LARGE1: variants seen among roughly 807,000 people sequenced by gnomAD.
LARGE1 encodes the protein xylosyl- and glucuronyltransferase LARGE1.
A neutral mutation model predicts 87.6 loss-of-function variants in LARGE1; 43 were observed. The ratio of observed to expected loss-of-function variants is 0.49; its 90% CI spans 0.38 to 0.63. LARGE1 has a LOEUF of 0.63. Among genes scored for constraint, LARGE1 ranks in the 30% least tolerant of loss-of-function variants. The probability of loss-of-function intolerance (pLI) is 0.00; values close to 1 mark genes in which losing one functional copy is unlikely to be tolerated. For missense variants in LARGE1, 802 were observed against 1,000.2 expected (o/e 0.80, Z 2.67); for synonymous variants, 434 against 394.6 (o/e 1.10, Z -1.18).
intron 6 of LARGE1, among the ~76,000 whole-genome samples, chr22:33,552,939 G>T (rs746759871): frequency 2.0e-5 from 3 of 152,094 alleles, no homozygotes; most frequent in Non-Finnish European, 2.9e-5. Flanking sequence ...GCCTGGAAGC[G>T]TGGGGCCTCA....
intron 11 of LARGE1, among the ~76,000 whole-genome samples, chr22:33,263,276 C>T (rs1021590277): frequency 1.3e-5 from 2 of 152,196 alleles, no homozygotes; most frequent in Admixed American, 1.3e-4. Context: ...TTCCCAAGCC[C>T]TGCTGTATCT....
intron 6 of LARGE1, among the ~76,000 whole-genome samples, chr22:33,505,766 C>G (rs1014003911): frequency 1.3e-5 from 2 of 152,142 alleles, no homozygotes; most frequent in Non-Finnish European, 2.9e-5. Context: ...GATTCCTTGT[C>G]GTGCTGCGAC....
chr22:33,607,310 A>T (rs2079292706), intron 4 of LARGE1, among the ~76,000 whole-genome samples: 1 of 151,944 alleles, frequency 6.6e-6, no homozygotes, highest in African/African-American at 2.4e-5. Context: ...AAAAATACAA[A>T]ATTAGCCAGG....
chr22:33,676,371 G>GAA (rs1409998707), intron 2 of LARGE1, among the ~76,000 whole-genome samples: 1 of 17,530 alleles, frequency 5.7e-5, no homozygotes, highest in Non-Finnish European at 1.4e-4. Context: ...AGATTCAATG[G>GAA]CAAAAAAAAA....
chr22:33,541,975 C>T (rs557035821), intron 6 of LARGE1, among the ~76,000 whole-genome samples: 17 of 151,930 alleles, frequency 1.1e-4, no homozygotes, highest in Non-Finnish European at 2.2e-4. Flanking sequence ...ACAGCCTGGC[C>T]AACATGGTGA....
intron 2 of LARGE1, among the ~76,000 whole-genome samples, chr22:33,682,250 A>C (rs1007540410): frequency 6.6e-6 from 1 of 152,220 alleles, no homozygotes. Flanking sequence ...ACCAAATTGC[A>C]CATTTAAGTA....
At chr22:33,785,234 C>T (rs545445843) in intron 1 of LARGE1, among the ~76,000 whole-genome samples, 2 of 147,116 alleles carry the variant, frequency 1.4e-5, no homozygotes, top group South Asian at 2.2e-4. Flanking sequence ...TATGTGTATA[C>T]ATACATATGT....
chr22:33,129,076 C>T, the LARGE1 span, among the ~76,000 whole-genome samples: 8 of 152,186 alleles, frequency 5.3e-5, no homozygotes, highest in South Asian at 4.2e-4. Context: ...ACATGTACCC[C>T]GGAAATTAAA....
chr22:33,503,733 A>G (rs370795049), intron 6 of LARGE1, among the ~76,000 whole-genome samples: 18 of 151,396 alleles, frequency 1.2e-4, no homozygotes, highest in African/African-American at 4.4e-4. Context: ...CGGGAGGTGG[A>G]GGTTGCAGTG....
chr22:33,684,547 C>T (rs2149314595), intron 2 of LARGE1, among the ~76,000 whole-genome samples: 1 of 152,110 alleles, frequency 6.6e-6, no homozygotes, highest in East Asian at 1.9e-4. Context: ...AAGGGATGGC[C>T]CATTTAGGGA....
intron 9 of LARGE1, among the ~76,000 whole-genome samples, chr22:33,356,772 A>G (rs1465624393): frequency 6.6e-6 from 1 of 152,216 alleles, no homozygotes; most frequent in African/African-American, 2.4e-5. Context: ...CCATATCAAA[A>G]AAGAAAAAGA....
At chr22:33,791,883 T>G (rs2085834786) in intron 1 of LARGE1, among the ~76,000 whole-genome samples, 1 of 152,178 alleles carries the variant, frequency 6.6e-6, no homozygotes, top group Non-Finnish European at 1.5e-5. Flanking sequence ...AAAGAAATTT[T>G]TATGTGTCTT....
At chr22:33,583,309 G>A (rs2078575377) in intron 5 of LARGE1, among the ~76,000 whole-genome samples, 1 of 152,222 alleles carries the variant, frequency 6.6e-6, no homozygotes, top group South Asian at 2.1e-4. Flanking sequence ...GGCAGTGCAT[G>A]GAGGTAGTTT....
At chr22:33,476,423 C>G (rs549892322) in intron 6 of LARGE1, among the ~76,000 whole-genome samples, 3 of 152,316 alleles carry the variant, frequency 2.0e-5, no homozygotes, top group African/African-American at 7.2e-5. Flanking sequence ...CCTACTACTT[C>G]GACTTGTCCC....
chr22:33,569,648 C>T (rs879379148), intron 5 of LARGE1, among the ~76,000 whole-genome samples: 1 of 152,128 alleles, frequency 6.6e-6, no homozygotes, highest in Non-Finnish European at 1.5e-5. Flanking sequence ...TCTTCCCCCA[C>T]CTCCATCCAC....
chr22:33,822,673 G>A (rs1376218310), intron 1 of LARGE1, among the ~76,000 whole-genome samples: 1 of 152,114 alleles, frequency 6.6e-6, no homozygotes, highest in African/African-American at 2.4e-5. Context: ...ATTCCAGCCT[G>A]GGTGACAGAA....
At chr22:33,205,142 C>T (rs1568972903) in intron 11 of LARGE1, among the ~76,000 whole-genome samples, 1 of 152,304 alleles carries the variant, frequency 6.6e-6, no homozygotes, top group East Asian at 1.9e-4. Context: ...TTCTTTAAGA[C>T]CTGTCTCAGA....
At chr22:33,211,665 C>T (rs146697408) in intron 11 of LARGE1, among the ~76,000 whole-genome samples, 3,395 of 152,114 alleles carry the variant, frequency 0.022, 102 homozygotes, top group African/African-American at 0.078. Flanking sequence ...CCCAGCTACT[C>T]GGGAGGCTGA....
chr22:33,621,114 T>C lies in LARGE1; in HGVS notation c.491+5130A>G, dbSNP rs767552555. ...TTAAATTATATTTTCACTTATTTTA[T>C]ATAAGCATTGCTTCATGGTATGCCA... is the stretch of plus-strand genomic sequence containing the variant. On this transcript the variant is annotated intron_variant, in intron 4 of 14. Transcript: ENST00000397394. 9.8e-5 allele frequency among the ~76,000 whole-genome samples: 15 copies of C among 152,374 alleles called. No homozygotes were observed. The Middle Eastern group carries it at 0.014, about 138-fold the overall frequency.
Sources: gnomAD v4.1 joint callset for allele counts (sites outside exome capture counted in the v4.1 genomes callset) on GRCh38, gnomAD v4.1.1 for gene constraint, MANE v1.5 for transcripts, NCBI Gene and HGNC (gene_info 2026-07-23, HGNC 2026-07-21) for gene names.